The following C10orf90 variants were observed in gnomAD, a reference collection of about 807,000 sequenced individuals.
C10orf90 encodes the protein chromosome 10 open reading frame 90, also known as (E2-independent) E3 ubiquitin-conjugating enzyme FATS.
A neutral mutation model predicts 62.5 loss-of-function variants in C10orf90; 56 were observed. The ratio of observed to expected loss-of-function variants is 0.90; its 90% CI spans 0.72 to 1.12. The LOEUF (loss-of-function observed/expected upper bound fraction) is 1.12, where lower values mean the gene tolerates loss of function less well. C10orf90 is among the 50% of genes most tolerant of loss of function. C10orf90 has a pLI of 0.00. For missense variants in C10orf90, 970 were observed against 880.4 expected, an observed-to-expected ratio of 1.10 and a Z score of -1.29; for synonymous variants, 386 against 340.4, an observed-to-expected ratio of 1.13 and a Z score of -1.47.
chr10:126,516,577 A>G (rs573460229), intron 2 of C10orf90, among the ~76,000 whole-genome samples: 3 of 152,368 alleles, frequency 2.0e-5, no homozygotes, highest in East Asian at 1.9e-4. Flanking sequence ...TGCAATGCTC[A>G]GAACATAACA....
At position 126,596,438 on chromosome 10, in the gene C10orf90, T is replaced by C. The variant is rs145949167; in HGVS notation, c.313+50127A>G. On this transcript the variant is annotated intron_variant, in intron 2 of 9. Transcript: ENST00000488181. ...ACAGACCAGAAGCAAATATTTGCAT[T>C]AAATATGTCTAGCAATAGACTTGTA... is the stretch of plus-strand genomic sequence containing the variant. Among the ~76,000 whole-genome samples, 395 of 152,208 alleles carry C rather than the reference T, an allele frequency of 2.6e-3. 2 individuals carry two copies. Among genetic ancestry groups the C allele is most frequent in the Middle Eastern group, 0.01 (3 of 294 alleles).
chr10:126,605,773 G>T (rs1382819057), intron 2 of C10orf90, among the ~76,000 whole-genome samples: 1 of 152,096 alleles, frequency 6.6e-6, no homozygotes, highest in Admixed American at 6.5e-5. Flanking sequence ...TTAGGATTAG[G>T]GAACTCAACA....
intron 2 of C10orf90, among the ~76,000 whole-genome samples, chr10:126,526,359 C>T (rs1366438807): frequency 6.6e-6 from 1 of 151,976 alleles, no homozygotes; most frequent in Non-Finnish European, 1.5e-5. Flanking sequence ...ATTCTCCTGC[C>T]TCAGCCTCCC....
Position 126,471,833 on chromosome 10 carries a change from T to C in C10orf90, c.1535-6847A>G, listed in dbSNP as rs190762688. ...TTATTATTCTGTTATTAGCTAGTTA[T>C]GATTATTCCAATAATGTCATAAACC... On this transcript the variant is annotated intron_variant, in intron 4 of 9. Transcript: ENST00000488181. Among the ~76,000 whole-genome samples, 346 of 152,304 alleles carry C rather than the reference T, an allele frequency of 2.3e-3. 2 individuals carry two copies. Among genetic ancestry groups the C allele is most frequent in the African/African-American group, 8.0e-3 (331 of 41,560 alleles).
intron 3 of C10orf90, among the ~76,000 whole-genome samples, chr10:126,510,937 G>A (rs1416946073): frequency 6.6e-6 from 1 of 152,192 alleles, no homozygotes; most frequent in Non-Finnish European, 1.5e-5. Context: ...CAAAGAATAA[G>A]GCTCTCCTCC....
intron 7 of C10orf90, among the ~76,000 whole-genome samples, chr10:126,432,653 A>G (rs530017644): frequency 6.6e-6 from 1 of 152,352 alleles, no homozygotes; most frequent in East Asian, 1.9e-4. Flanking sequence ...GAGCTTCTGC[A>G]GTAAGAACTG....
At chr10:126,568,722 G>A (rs1267775012) in intron 2 of C10orf90, among the ~76,000 whole-genome samples, 7 of 152,210 alleles carry the variant, frequency 4.6e-5, no homozygotes, top group Non-Finnish European at 7.3e-5. Context: ...GGAAAAGACA[G>A]CCAGACAGAG....
intron 1 of C10orf90, among the ~76,000 whole-genome samples, chr10:126,658,114 C>T (rs549846080): frequency 1.3e-5 from 2 of 152,328 alleles, no homozygotes; most frequent in East Asian, 3.9e-4. Context: ...TGAGCGCATT[C>T]TGTCCCAGAA....
At chr10:126,599,489 G>A (rs1845153892) in intron 2 of C10orf90, among the ~76,000 whole-genome samples, 1 of 151,752 alleles carries the variant, frequency 6.6e-6, no homozygotes, top group Admixed American at 6.6e-5. Flanking sequence ...TTAAAGACAA[G>A]GCTGGGATCA....
At chr10:126,630,899 C>T (rs1433824477) in intron 2 of C10orf90, among the ~76,000 whole-genome samples, 4 of 152,172 alleles carry the variant, frequency 2.6e-5, no homozygotes, top group Non-Finnish European at 1.5e-5. Flanking sequence ...TTAACTGGGA[C>T]AGCTGCTGCA....
intron 2 of C10orf90, among the ~76,000 whole-genome samples, chr10:126,551,294 A>C (rs1864624414): frequency 1.3e-5 from 2 of 152,234 alleles, no homozygotes. Context: ...AACTGTTTCT[A>C]CCACTACCAA....
At chr10:126,464,076 A>G (rs4962340) in intron 5 of C10orf90, among the ~76,000 whole-genome samples, 82,849 of 152,020 alleles carry the variant, frequency 0.54, 22,596 homozygotes, top group South Asian at 0.67. Flanking sequence ...ATAACCGGGC[A>G]CCACAGGACG....
chr10:126,493,970 C>A lies in C10orf90; in HGVS notation c.1534+9987G>T, dbSNP rs116030943. 8.8e-3 allele frequency among the ~76,000 whole-genome samples: 1,346 copies of A among 152,322 alleles called. 22 individuals carry two copies. The highest frequency in any genetic ancestry group is 0.03 in the African/African-American group (1,266 of 41,568). ...CTCCGCTGGCTGGGGTCTGATGCTC[C>A]ACTGTTCACAGCTTTTTTGGCTCTA... is the stretch of plus-strand genomic sequence containing the variant. On this transcript the variant is annotated intron_variant, in intron 4 of 9. Transcript: ENST00000488181.
intron 2 of C10orf90, among the ~76,000 whole-genome samples, chr10:126,532,857 ATAGTGAGC>A (rs1864137405): frequency 2.6e-5 from 2 of 77,770 alleles, no homozygotes; most frequent in African/African-American, 6.6e-5. Context: ...AAAAAAAAAA[ATAGTGAGC>A]ACAAAACAAG....
chr10:126,444,112 A>G (rs572964374), intron 7 of C10orf90, among the ~76,000 whole-genome samples: 1 of 152,152 alleles, frequency 6.6e-6, no homozygotes, highest in East Asian at 1.9e-4. Flanking sequence ...AGAAATGGAA[A>G]AGAGAAGGAT....
In C10orf90 at chr10:126,513,944, G is replaced by A. The variant is rs2133919612; in HGVS notation, c.314-5C>T. On this transcript the variant is annotated splice_region_variant and splice_polypyrimidine_tract_variant and intron_variant, in intron 2 of 9. Transcript: ENST00000488181. Reference sequence around the variant, plus strand: ...TGTGGTAGCTGTCCCGTAATCCTAGGCAAAAGAAGATAATATTGCTACTTT... The same window carrying A: ...TGTGGTAGCTGTCCCGTAATCCTAGACAAAAGAAGATAATATTGCTACTTT... The A allele has an allele frequency of 2.5e-6, 4 of 1,597,974 alleles. 1 individual carries two copies. The South Asian group carries it at 4.5e-5, about 18-fold the overall frequency.
chr10:126,612,254 G>A (rs1845450345), intron 2 of C10orf90, among the ~76,000 whole-genome samples: 1 of 152,014 alleles, frequency 6.6e-6, no homozygotes, highest in Non-Finnish European at 1.5e-5. Flanking sequence ...TTGGGATGTG[G>A]AGGTTGCAGT....
intron 2 of C10orf90, among the ~76,000 whole-genome samples, chr10:126,531,537 A>C (rs1864096893): frequency 6.6e-6 from 1 of 152,242 alleles, no homozygotes; most frequent in African/African-American, 2.4e-5. Context: ...ATCCCAACCA[A>C]GTAGAGTTTA....
intron 2 of C10orf90, among the ~76,000 whole-genome samples, chr10:126,597,518 G>A (rs1285920769): frequency 6.6e-6 from 1 of 152,214 alleles, no homozygotes; most frequent in South Asian, 2.1e-4. Flanking sequence ...AACTGATGCA[G>A]CAGATGAACT....
Sources: gnomAD v4.1 joint callset for allele counts (sites outside exome capture counted in the v4.1 genomes callset) on GRCh38, gnomAD v4.1.1 for gene constraint, MANE v1.5 for transcripts, NCBI Gene and HGNC (gene_info 2026-07-23, HGNC 2026-07-21) for gene names.